PRIM2: variants seen among roughly 807,000 people sequenced by gnomAD.
PRIM2 encodes the protein DNA primase subunit 2, also known as DNA primase large subunit.
In PRIM2, 39 loss-of-function variants were observed where a neutral mutation model predicts 67.3. The ratio of observed to expected loss-of-function variants is 0.58; its 90% CI spans 0.45 to 0.76. The LOEUF (loss-of-function observed/expected upper bound fraction) is 0.76. Ranked by LOEUF, PRIM2 falls within the 30% of genes least tolerant of loss-of-function variation. The pLI is 0.00. For synonymous variants in PRIM2, 143 were observed against 198.7 expected, an observed-to-expected ratio of 0.72 and a Z score of 2.36; for missense variants, 398 against 598.7, an observed-to-expected ratio of 0.66 and a Z score of 3.50.
intron 5 of PRIM2, among the ~76,000 whole-genome samples, chr6:57,331,200 A>G: frequency 6.6e-6 from 1 of 152,164 alleles, no homozygotes; most frequent in Non-Finnish European, 1.5e-5. Context: ...AAAAAAAAAA[A>G]AAAAAGTTCT....
At chr6:57,468,144 A>G (rs1278209661) in intron 7 of PRIM2, among the ~76,000 whole-genome samples, 1 of 152,128 alleles carries the variant, frequency 6.6e-6, no homozygotes, top group African/African-American at 2.4e-5. Flanking sequence ...TGATTTCCCT[A>G]GCCAAAACTT....
intron 7 of PRIM2, among the ~76,000 whole-genome samples, chr6:57,457,402 C>T (rs1440314532): frequency 1.3e-5 from 2 of 152,222 alleles, no homozygotes; most frequent in African/African-American, 4.8e-5. Context: ...TCTGCAGAGG[C>T]AGGCAGGCCT....
intron 5 of PRIM2, among the ~76,000 whole-genome samples, chr6:57,369,125 G>C (rs1305092390): frequency 2.6e-5 from 4 of 152,106 alleles, no homozygotes; most frequent in Admixed American, 1.3e-4. Context: ...CCTCAGTGAG[G>C]GACTCAGTAC....
intron 7 of PRIM2, among the ~76,000 whole-genome samples, chr6:57,399,037 TTTTA>T (rs1770617537): frequency 6.6e-6 from 1 of 152,056 alleles, no homozygotes; most frequent in East Asian, 1.9e-4. Context: ...TTTAATTATT[TTTTA>T]TTTATCTATT....
chr6:57,578,129 A>C (rs1321929907), intron 10 of PRIM2, among the ~76,000 whole-genome samples: 2,885 of 152,288 alleles, frequency 0.019, 41 homozygotes, highest in Middle Eastern at 0.034. Context: ...CATTTTTGGC[A>C]GGACAGGCGT....
At chr6:57,360,071 GT>G (rs1406248896) in intron 5 of PRIM2, among the ~76,000 whole-genome samples, 2 of 152,178 alleles carry the variant, frequency 1.3e-5, no homozygotes, top group Admixed American at 1.3e-4. Context: ...GCCCCTTAGA[GT>G]TTGCCAAAAT....
At chr6:57,437,973 T>C (rs1326018484) in intron 7 of PRIM2, among the ~76,000 whole-genome samples, 1 of 152,180 alleles carries the variant, frequency 6.6e-6, no homozygotes, top group South Asian at 2.1e-4. Flanking sequence ...GATTTTAAAG[T>C]ACATTCTTTC....
At chr6:57,311,474 C>G (rs1041909130), upstream of PRIM2, among the ~76,000 whole-genome samples, 3 of 150,316 alleles carry the variant, frequency 2.0e-5, no homozygotes, top group Non-Finnish European at 3.0e-5. Flanking sequence ...CCAGACTGGG[C>G]GGCCGGGCAG....
intron 7 of PRIM2, among the ~76,000 whole-genome samples, chr6:57,395,924 C>T (rs539515234): frequency 3.3e-4 from 51 of 152,280 alleles, no homozygotes; most frequent in Non-Finnish European, 5.7e-4. Context: ...AATGCTCATT[C>T]AGGAGCAGGT....
chr6:57,468,608 T>C, intron 7 of PRIM2, among the ~76,000 whole-genome samples: 1 of 152,338 alleles, frequency 6.6e-6, no homozygotes, highest in Admixed American at 6.5e-5. Context: ...GTTGTGTCTC[T>C]GCCAGGTTTT....
chr6:57,271,306 G>T, the PRIM2 span, among the ~76,000 whole-genome samples: 139 of 152,186 alleles, frequency 9.1e-4, no homozygotes, highest in African/African-American at 3.1e-3. Context: ...CAATTTCAGA[G>T]CCTGTTATTG....
intron 5 of PRIM2, among the ~76,000 whole-genome samples, chr6:57,375,553 G>A: frequency 6.6e-6 from 1 of 152,010 alleles, no homozygotes; most frequent in Non-Finnish European, 1.5e-5. Flanking sequence ...ATCTCCGCCA[G>A]ATTTTGGTAT....
intron 11 of PRIM2, among the ~76,000 whole-genome samples, chr6:57,604,754 G>A (rs1776529415): frequency 2.0e-5 from 3 of 151,214 alleles, no homozygotes; most frequent in African/African-American, 4.9e-5. Context: ...GCAGTGGTGC[G>A]ATCTGGGCTC....
At chr6:57,509,668 C>G (rs1468667349) in intron 8 of PRIM2, among the ~76,000 whole-genome samples, 62 of 152,210 alleles carry the variant, frequency 4.1e-4, no homozygotes, top group African/African-American at 1.5e-3. Context: ...TCACCAAATG[C>G]TGTGAAGTTC....
At position 57,577,490 on chromosome 6, in the gene PRIM2, C is replaced by T. The variant is rs1775985585; in HGVS notation, c.1021-23603C>T. Among the ~76,000 whole-genome samples the T allele has an allele frequency of 2.1e-5, 3 of 144,946 alleles. No homozygotes were observed. In the South Asian group the frequency reaches 6.5e-4, roughly 31 times the overall value. On this transcript the variant is annotated intron_variant, in intron 10 of 13. Coordinates refer to ENST00000615550, the MANE Select transcript of PRIM2 (RefSeq NM_000947.5). ...TGTCGCCCAGGCTGGAGTGCAGTGG[C>T]ACGATCTTGGCTCACTGCAACCTCC... is the stretch of plus-strand genomic sequence containing the variant.
At chr6:57,591,712 A>G (rs1776284357) in intron 10 of PRIM2, among the ~76,000 whole-genome samples, 1 of 152,212 alleles carries the variant, frequency 6.6e-6, no homozygotes, top group Non-Finnish European at 1.5e-5. Context: ...ATCCTTACAC[A>G]CTACTGGCGA....
chr6:57,432,417 C>T (rs1771868804), intron 7 of PRIM2, among the ~76,000 whole-genome samples: 1 of 152,132 alleles, frequency 6.6e-6, no homozygotes, highest in Non-Finnish European at 1.5e-5. Context: ...TTCAGTTCTA[C>T]TTGTTCTGTG....
chr6:57,495,588 G>A (rs1773987472), intron 7 of PRIM2, among the ~76,000 whole-genome samples: 1 of 152,178 alleles, frequency 6.6e-6, no homozygotes, highest in South Asian at 2.1e-4. Context: ...TTGGGGAAAT[G>A]GAAATCTTTA....
At chr6:57,335,144 C>G (rs1328328650) in intron 5 of PRIM2, among the ~76,000 whole-genome samples, 2 of 152,058 alleles carry the variant, frequency 1.3e-5, no homozygotes, top group African/African-American at 4.8e-5. Flanking sequence ...GAATACTGTG[C>G]TTTTCCGACA....
Sources: allele counts gnomAD v4.1 joint callset (sites outside exome capture counted in the v4.1 genomes callset), GRCh38; gene constraint gnomAD v4.1.1; transcripts MANE v1.5; gene names NCBI Gene and HGNC (gene_info 2026-07-23, HGNC 2026-07-21).